PKN2: variants seen among roughly 807,000 people sequenced by gnomAD.
The protein encoded by PKN2 is protein kinase N2.
PKN2 carries 38 observed loss-of-function variants against 119.1 expected under a neutral mutation model. The ratio of observed to expected loss-of-function variants is 0.32; its 90% CI spans 0.25 to 0.42. The LOEUF (loss-of-function observed/expected upper bound fraction) is 0.42. Ranked by LOEUF, PKN2 falls within the 10% of genes least tolerant of loss-of-function variation. The pLI, the probability that PKN2 is intolerant of heterozygous loss-of-function variation, is 1.00. For synonymous variants in PKN2, 390 were observed against 384.9 expected (o/e 1.01, Z -0.15); for missense variants, 850 against 1,165.1 (o/e 0.73, Z 3.94).
chr1:88,746,604 G>A (rs77723401), intron 2 of PKN2, among the ~76,000 whole-genome samples: 596 of 152,122 alleles, frequency 3.9e-3, no homozygotes, highest in East Asian at 9.2e-3. Flanking sequence ...AAAAATGGAA[G>A]GTAAGTGATG....
intron 1 of PKN2, among the ~76,000 whole-genome samples, chr1:88,739,196 G>T (rs544372194): frequency 7.0e-4 from 106 of 152,180 alleles, no homozygotes; most frequent in African/African-American, 1.9e-3. Context: ...GAAACAGGCT[G>T]GGCACGTGTT....
intron 19 of PKN2, chr1:88,829,253 C>A: frequency 1.5e-6 from 1 of 686,794 alleles, no homozygotes; most frequent in South Asian, 1.5e-5. Flanking sequence ...TGGCCCAGGT[C>A]AATTTGCTGA....
chr1:88,811,461 T>TA (rs1411368481), intron 15 of PKN2, among the ~76,000 whole-genome samples: 1 of 152,184 alleles, frequency 6.6e-6, no homozygotes, highest in African/African-American at 2.4e-5. Flanking sequence ...AACGAGACAT[T>TA]AATACATTAT....
At chr1:88,686,855 G>C (rs1316842996) in intron 1 of PKN2, among the ~76,000 whole-genome samples, 8 of 151,968 alleles carry the variant, frequency 5.3e-5, no homozygotes, top group African/African-American at 1.9e-4. Context: ...CTTCTAAATT[G>C]TTTGAATTTA....
At position 88,704,539 on chromosome 1, in the gene PKN2, C is replaced by T. The variant is rs182724901; in HGVS notation, c.48+19911C>T. 7.1e-4 allele frequency among the ~76,000 whole-genome samples: 108 copies of T among 152,162 alleles called. 1 individual carries two copies. The highest frequency in any genetic ancestry group is 4.6e-3 in the Admixed American group (71 of 15,282). Reference sequence around the variant, plus strand: ...AAATGGCTAAAACATATAGCAGGTGCATGTTTTGAGTTTTTAAAAAGCTAC... The same window carrying T: ...AAATGGCTAAAACATATAGCAGGTGTATGTTTTGAGTTTTTAAAAAGCTAC... On this transcript the variant is annotated intron_variant, in intron 1 of 21. Coordinates refer to ENST00000370521, the MANE Select transcript of PKN2 (RefSeq NM_006256.4).
intron 1 of PKN2, among the ~76,000 whole-genome samples, chr1:88,692,765 G>A (rs1426837403): frequency 6.6e-6 from 1 of 152,098 alleles, no homozygotes; most frequent in Non-Finnish European, 1.5e-5. Context: ...TGTACATTGT[G>A]AATGTCTTCT....
At chr1:88,736,927 A>T (rs1433153707) in intron 1 of PKN2, among the ~76,000 whole-genome samples, 1 of 152,126 alleles carries the variant, frequency 6.6e-6, no homozygotes, top group African/African-American at 2.4e-5. Context: ...TGGGTGTGTG[A>T]GTTTCCACTG....
At chr1:88,694,950 A>T (rs1570484877) in intron 1 of PKN2, among the ~76,000 whole-genome samples, 1 of 152,208 alleles carries the variant, frequency 6.6e-6, no homozygotes, top group Non-Finnish European at 1.5e-5. Flanking sequence ...TCACAGTGAA[A>T]CCCCGTCTGT....
At chr1:88,690,510 C>G (rs1006771740) in intron 1 of PKN2, among the ~76,000 whole-genome samples, 1 of 152,136 alleles carries the variant, frequency 6.6e-6, no homozygotes, top group Non-Finnish European at 1.5e-5. Context: ...AGAGTTCAAA[C>G]TTGACAGCAA....
chr1:88,730,795 C>T (rs956511741), intron 1 of PKN2, among the ~76,000 whole-genome samples: 13 of 152,066 alleles, frequency 8.5e-5, no homozygotes, highest in Admixed American at 2.0e-4. Context: ...TGGGCATGGC[C>T]GTTATGAGAC....
intron 7 of PKN2, among the ~76,000 whole-genome samples, 198 bp downstream of exon 7, chr1:88,785,022 G>A (rs1557609643): frequency 6.6e-6 from 1 of 152,158 alleles, no homozygotes; most frequent in Non-Finnish European, 1.5e-5. Context: ...AAAACTTAAT[G>A]ACAAATGACA....
intron 17 of PKN2, 133 bp from the exon 18 acceptor site, chr1:88,824,177 C>A: frequency 1.8e-6 from 1 of 566,506 alleles, no homozygotes; most frequent in Non-Finnish European, 3.1e-6. Context: ...ATTTAAATCT[C>A]AAATCATAAC....
intron 16 of PKN2, among the ~76,000 whole-genome samples, chr1:88,821,402 A>G (rs1016134839): frequency 6.6e-6 from 1 of 152,188 alleles, no homozygotes; most frequent in African/African-American, 2.4e-5. Context: ...TCTGATTAAA[A>G]TGGTTTGATT....
chr1:88,788,292 T>A (rs949127142), intron 8 of PKN2, among the ~76,000 whole-genome samples: 1 of 152,228 alleles, frequency 6.6e-6, no homozygotes, highest in African/African-American at 2.4e-5. Flanking sequence ...CAGTCTTTTG[T>A]GTTGTTTTGG....
At chr1:88,732,021 A>G (rs1668161169) in intron 1 of PKN2, among the ~76,000 whole-genome samples, 3 of 152,210 alleles carry the variant, frequency 2.0e-5, no homozygotes, top group Admixed American at 2.0e-4. Flanking sequence ...ACATTTGTGT[A>G]TTTGAAATAC....
Position 88,704,776 on chromosome 1 carries a change from C to CT in PKN2, c.48+20149dup, listed in dbSNP as rs1333904124. The stretch of plus-strand genomic sequence containing the variant: ...AGCCCAGGCAACAGCAAGACCCTGT[C>CT]TCAAAAAAAAAAAAAAAAAAAAAAG... On this transcript the variant is annotated intron_variant, in intron 1 of 21. Coordinates refer to ENST00000370521, the MANE Select transcript of PKN2 (RefSeq NM_006256.4). Among the ~76,000 whole-genome samples, 7 of 93,992 alleles carry CT rather than the reference C, an allele frequency of 7.4e-5. No homozygotes were observed. The Admixed American group carries it at 9.6e-4, about 13-fold the overall frequency. 61.7% of individuals were successfully genotyped at this position (93,992 alleles called of 152,430 possible).
chr1:88,780,696 C>T (rs986000198), intron 6 of PKN2, among the ~76,000 whole-genome samples: 2 of 151,914 alleles, frequency 1.3e-5, no homozygotes, highest in African/African-American at 4.9e-5. Context: ...GACAATTAGG[C>T]AGGGACTATA....
intron 1 of PKN2, among the ~76,000 whole-genome samples, chr1:88,705,521 G>A (rs1461352577): frequency 2.1e-5 from 3 of 141,002 alleles, no homozygotes; most frequent in Non-Finnish European, 3.0e-5. Context: ...GTGAAACCCC[G>A]TCTCTACTAA....
intron 16 of PKN2, among the ~76,000 whole-genome samples, chr1:88,818,857 G>A (rs1672127496): frequency 6.6e-6 from 1 of 151,954 alleles, no homozygotes; most frequent in Admixed American, 6.6e-5. Flanking sequence ...CAGAACAGAG[G>A]CCTCAGAAAT....
Sources: allele counts gnomAD v4.1 joint callset (sites outside exome capture counted in the v4.1 genomes callset), GRCh38; gene constraint gnomAD v4.1.1; transcripts MANE v1.5; gene names NCBI Gene and HGNC (gene_info 2026-07-23, HGNC 2026-07-21).